The following SMYD3 variants were observed in gnomAD, a reference collection of about 807,000 sequenced individuals.
SMYD3 encodes histone-lysine N-methyltransferase SMYD3.
A neutral mutation model predicts 57.7 loss-of-function variants in SMYD3; 36 were observed. The ratio of observed to expected loss-of-function variants is 0.62; its 90% CI spans 0.48 to 0.82. SMYD3 has a LOEUF of 0.82. Ranked by LOEUF, SMYD3 falls within the 40% of genes least tolerant of loss-of-function variation. The pLI is 0.00. For synonymous variants in SMYD3, 211 were observed against 195.0 expected (o/e 1.08, Z -0.68); for missense variants, 515 against 538.8 (o/e 0.96, Z 0.44).
At chr1:246,109,336 C>G (rs2147973334) in intron 5 of SMYD3, among the ~76,000 whole-genome samples, 1 of 152,268 alleles carries the variant, frequency 6.6e-6, no homozygotes, top group South Asian at 2.1e-4. Flanking sequence ...GGATTCATTA[C>G]CATATAACTG....
intron 5 of SMYD3, among the ~76,000 whole-genome samples, chr1:246,109,426 G>A (rs1240887752): frequency 6.6e-6 from 1 of 152,108 alleles, no homozygotes; most frequent in Non-Finnish European, 1.5e-5. Context: ...TAGCTCAAGG[G>A]AAAACAACGT....
intron 5 of SMYD3, among the ~76,000 whole-genome samples, chr1:246,027,353 C>T (rs2059593635): frequency 6.6e-6 from 1 of 152,172 alleles, no homozygotes; most frequent in Admixed American, 6.5e-5. Flanking sequence ...GGATGAGATA[C>T]CATCTAAGAC....
At chr1:246,127,417 T>C (rs1390324725) in intron 5 of SMYD3, among the ~76,000 whole-genome samples, 3 of 152,186 alleles carry the variant, frequency 2.0e-5, no homozygotes, top group Non-Finnish European at 4.4e-5. Flanking sequence ...CATTGGAAAG[T>C]TGGATAAAGT....
intron 5 of SMYD3, chr1:245,953,423 G>A: frequency 1.1e-6 from 1 of 872,016 alleles, no homozygotes; most frequent in Non-Finnish European, 1.4e-6. Flanking sequence ...GGTTCAGTTT[G>A]TTTTGTTTTG....
At chr1:246,311,352 T>C (rs888942971) in intron 5 of SMYD3, among the ~76,000 whole-genome samples, 2 of 152,170 alleles carry the variant, frequency 1.3e-5, no homozygotes, top group African/African-American at 4.8e-5. Context: ...ACAAAAAAAA[T>C]CTTTGTAGCA....
At chr1:246,167,762 T>G (rs2062245913) in intron 5 of SMYD3, among the ~76,000 whole-genome samples, 1 of 152,128 alleles carries the variant, frequency 6.6e-6, no homozygotes, top group African/African-American at 2.4e-5. Context: ...CTTCCCACCT[T>G]GGCCTCCCAA....
rs145893270 is a variant in SMYD3, at chr1:245,934,272, G to T, written c.532-4335C>A. Among the ~76,000 whole-genome samples the T allele has an allele frequency of 4.6e-3, 707 of 152,314 alleles. 5 individuals carry two copies. Among genetic ancestry groups the T allele is most frequent in the Non-Finnish European group, 7.5e-3 (511 of 68,034 alleles). ...AACTGGAAGGAGGAAGAGTTGGCAG[G>T]TACGAAAACCAGAAGCAGAAGCTTT... On this transcript the variant is annotated intron_variant, in intron 5 of 11. Coordinates refer to ENST00000490107, the MANE Select transcript of SMYD3 (RefSeq NM_001167740.2).
intron 5 of SMYD3, among the ~76,000 whole-genome samples, chr1:245,948,302 T>C (rs2057495270): frequency 1.3e-5 from 2 of 151,824 alleles, no homozygotes; most frequent in Non-Finnish European, 2.9e-5. Context: ...CAGAGAACAG[T>C]GGAATTCAAC....
chr1:246,362,040 A>G lies in SMYD3; in HGVS notation c.165-6946T>C, dbSNP rs895788698. On this transcript the variant is annotated intron_variant, in intron 1 of 11. Coordinates refer to ENST00000490107, the MANE Select transcript of SMYD3 (RefSeq NM_001167740.2). The stretch of plus-strand genomic sequence containing the variant: ...ACTACAGGAGAATGCTGTGGTACGC[A>G]CCCCCAGCACCGCCCCCACAAAAAA... Among the ~76,000 whole-genome samples the G allele has an allele frequency of 7.9e-5, 12 of 152,148 alleles. No homozygotes were observed. In the East Asian group the frequency reaches 2.3e-3, roughly 29 times the overall value.
At chr1:246,235,226 G>T (rs2063495253) in intron 5 of SMYD3, among the ~76,000 whole-genome samples, 1 of 152,124 alleles carries the variant, frequency 6.6e-6, no homozygotes, top group South Asian at 2.1e-4. Flanking sequence ...CACTGTAACT[G>T]GAAAGTGTCA....
At chr1:246,239,461 C>A (rs376608282) in intron 5 of SMYD3, among the ~76,000 whole-genome samples, 3 of 152,078 alleles carry the variant, frequency 2.0e-5, no homozygotes, top group African/African-American at 4.8e-5. Flanking sequence ...TATTCCATGG[C>A]GTATATGTGC....
chr1:246,077,490 CT>C (rs1558207491), intron 5 of SMYD3, among the ~76,000 whole-genome samples: 1 of 151,636 alleles, frequency 6.6e-6, no homozygotes, highest in Admixed American at 6.6e-5. Flanking sequence ...CAAATTCAAG[CT>C]CCCAGACTAC....
Position 246,162,169 on chromosome 1 carries a change from A to G in SMYD3, c.531+165032T>C, listed in dbSNP as rs181206794. Reference sequence around the variant, plus strand: ...ATCTAAAGTGAGAATGAGTGAAGTAATGCTATCCCGCAATGACCACTAATT... The same window carrying G: ...ATCTAAAGTGAGAATGAGTGAAGTAGTGCTATCCCGCAATGACCACTAATT... On this transcript the variant is annotated intron_variant, in intron 5 of 11. Coordinates refer to ENST00000490107, the MANE Select transcript of SMYD3 (RefSeq NM_001167740.2). Among the ~76,000 whole-genome samples the G allele has an allele frequency of 5.9e-5, 9 of 152,298 alleles. No homozygotes were observed. The East Asian group carries it at 1.7e-3, about 29-fold the overall frequency.
intron 5 of SMYD3, among the ~76,000 whole-genome samples, chr1:246,154,783 TTTTTTG>T (rs2061997254): frequency 6.6e-6 from 1 of 150,396 alleles, no homozygotes; most frequent in Admixed American, 6.7e-5. Flanking sequence ...TTGTTTTTTG[TTTTTTG>T]TTTTTTTTTT....
intron 5 of SMYD3, among the ~76,000 whole-genome samples, chr1:246,228,815 C>T (rs892629732): frequency 1.4e-5 from 2 of 143,164 alleles, no homozygotes; most frequent in Non-Finnish European, 3.0e-5. Context: ...CTAAAAGAAG[C>T]CTTCTTTTTT....
At chr1:245,921,322 T>C (rs2055910791) in intron 7 of SMYD3, among the ~76,000 whole-genome samples, 1 of 152,132 alleles carries the variant, frequency 6.6e-6, no homozygotes, top group Non-Finnish European at 1.5e-5. Context: ...ACTTATACAC[T>C]ATTGGTGGGA....
intron 8 of SMYD3, among the ~76,000 whole-genome samples, chr1:245,895,499 A>AG (rs1259718039): frequency 6.9e-6 from 1 of 145,356 alleles, no homozygotes; most frequent in African/African-American, 2.5e-5. Context: ...AAATAGAGTA[A>AG]GGCAGCAGAA....
At chr1:245,779,165 G>GAAAAAAAAAAAAAAAAAAA (rs369697643) in intron 10 of SMYD3, among the ~76,000 whole-genome samples, 2 of 126,548 alleles carry the variant, frequency 1.6e-5, no homozygotes, top group Non-Finnish European at 3.7e-5. Context: ...GTCCCAAGGG[G>GAAAAAAAAAAAAAAAAAAA]AAAAAAAAAA....
intron 10 of SMYD3, among the ~76,000 whole-genome samples, chr1:245,849,638 A>G (rs9659732): frequency 7.1e-6 from 1 of 140,728 alleles, no homozygotes; most frequent in South Asian, 2.5e-4. Context: ...TCTTTATTTT[A>G]TTTATTTTAT....
Sources: gnomAD v4.1 joint callset for allele counts (sites outside exome capture counted in the v4.1 genomes callset) on GRCh38, gnomAD v4.1.1 for gene constraint, MANE v1.5 for transcripts, NCBI Gene and HGNC (gene_info 2026-07-23, HGNC 2026-07-21) for gene names.